PIK3R1: variants seen among roughly 807,000 people sequenced by gnomAD.
PIK3R1 encodes the protein phosphatidylinositol 3-kinase regulatory subunit alpha.
A neutral mutation model predicts 98.0 loss-of-function variants in PIK3R1; 29 were observed. The ratio of observed to expected loss-of-function variants is 0.30; its 90% CI spans 0.22 to 0.40. PIK3R1 has a LOEUF of 0.40. Among genes scored for constraint, PIK3R1 ranks in the 10% least tolerant of loss-of-function variants. The pLI, the probability that PIK3R1 is intolerant of heterozygous loss-of-function variation, is 1.00. For missense variants in PIK3R1, 596 were observed against 872.7 expected, an observed-to-expected ratio of 0.68 and a Z score of 3.99; for synonymous variants, 282 against 311.8, an observed-to-expected ratio of 0.90 and a Z score of 1.01.
chr5:68,238,757 A>G (rs10055629), intron 2 of PIK3R1, among the ~76,000 whole-genome samples: 1 of 152,200 alleles, frequency 6.6e-6, no homozygotes, highest in Non-Finnish European at 1.5e-5. Flanking sequence ...GTTGATAAAC[A>G]GGGAACCAAG....
At position 68,297,399 on chromosome 5, in the gene PIK3R1, C is replaced by A. The variant is rs773278172; in HGVS notation, c.1986-13C>A. 2 of 1,599,278 alleles carry A rather than the reference C, an allele frequency of 1.3e-6. No individual in the cohort carries two copies. Among genetic ancestry groups the A allele is most frequent in the South Asian group, 2.2e-5 (2 of 89,076 alleles). ...ACAAGCTCAAAAGACAGTTTTTCTTCTCTCCTCTCTAGGGTGGACGGCGAA... is the reference window on the plus strand; with the variant it reads ...ACAAGCTCAAAAGACAGTTTTTCTTATCTCCTCTCTAGGGTGGACGGCGAA... On this transcript the variant is annotated splice_polypyrimidine_tract_variant and intron_variant, in intron 15 of 15. Coordinates refer to ENST00000521381, the MANE Select transcript of PIK3R1 (RefSeq NM_181523.3).
rs1747355335 is a variant in PIK3R1 at position 68,290,926 on chromosome 5, G to GT, written c.917-1328dup. ...TGTAAAAGATCCTTTTTGGATTTCT[G>GT]TTTTTATTAATTTGTTTCATTGATA... On this transcript the variant is annotated intron_variant, in intron 7 of 15. Transcript: ENST00000521381. The GT allele has an allele frequency of 5.2e-5, 41 of 789,808 alleles. No individual in the cohort carries two copies. In the South Asian group the frequency reaches 8.8e-4, roughly 17 times the overall value. 48.9% of individuals were successfully genotyped at this position (789,808 alleles called of 1,614,324 possible). A position where few individuals can be genotyped will look rare whatever the true frequency, so the allele number is the denominator to read the frequency against.
At chr5:68,284,396 G>T (rs143225865) in intron 7 of PIK3R1, among the ~76,000 whole-genome samples, 1 of 152,202 alleles carries the variant, frequency 6.6e-6, no homozygotes, top group East Asian at 1.9e-4. Context: ...CCTGATGTGG[G>T]TACATTGCTT....
rs947125285 is a variant in PIK3R1 at position 68,277,770 on chromosome 5, G to A, written c.503-1832G>A. Among the ~76,000 whole-genome samples the A allele has an allele frequency of 5.9e-5, 9 of 152,220 alleles. 1 individual carries two copies. The highest frequency in any genetic ancestry group is 6.8e-3 in the Middle Eastern group (2 of 292). On this transcript the variant is annotated intron_variant, in intron 4 of 15. Transcript: ENST00000521381. ...CAATCACCGAGTTATATGAGGTCTC[G>A]ATAATATTTTGTACATTTCTAACTG...
rs774703959 is a variant in PIK3R1, at chr5:68,288,790, T to C, written c.917-3469T>C. On this transcript the variant is annotated intron_variant, in intron 7 of 15. Transcript: ENST00000521381. ...AATTTGTGCACTTCTCTGTTCCTTA[T>C]CTGAGCGGTGCCTTTCTGTAGTTTG... 2.5e-6 allele frequency: 4 copies of C among 1,595,426 alleles called. No homozygotes were observed. The South Asian group carries it at 3.3e-5, about 13-fold the overall frequency.
intron 2 of PIK3R1, among the ~76,000 whole-genome samples, chr5:68,264,130 G>T (rs953187669): frequency 2.0e-5 from 3 of 152,120 alleles, no homozygotes; most frequent in Non-Finnish European, 4.4e-5. Flanking sequence ...AGCTTTATGA[G>T]AAAATATTTA....
At chr5:68,222,450 G>A (rs936608510) in intron 1 of PIK3R1, among the ~76,000 whole-genome samples, 1 of 107,202 alleles carries the variant, frequency 9.3e-6, no homozygotes, top group Non-Finnish European at 1.8e-5. Flanking sequence ...AGGAGGCAGA[G>A]GTGCTAAGGA....
intron 2 of PIK3R1, among the ~76,000 whole-genome samples, chr5:68,246,717 G>C (rs943526157): frequency 6.6e-6 from 1 of 151,872 alleles, no homozygotes; most frequent in African/African-American, 2.4e-5. Flanking sequence ...TCCGCCTCCT[G>C]GGTTCACGCC....
chr5:68,293,749 A>G lies in PIK3R1; in HGVS notation c.1340A>G (p.Lys447Arg). The change falls in exon 11 of 16, where the codon AAA (lysine) becomes AGA (arginine). Residue 447 changes from lysine to arginine, a missense_variant. Around this residue, in one of 3 missense-constraint regions of PIK3R1, gnomAD observed 207 missense variants for 361.4 expected, o/e 0.57. Coordinates refer to ENST00000521381, the MANE Select transcript of PIK3R1 (RefSeq NM_181523.3). ...GAAGATAATATTGAAGCTGTAGGGA[A>G]AAAATTACATGAATATAACACTCAG... The part of the protein sequence containing the change: ...VKEDNIEAVG[K>R]KLHEYNTQFQ... 1 of 1,528,572 alleles carries G rather than the reference A, an allele frequency of 6.5e-7. No homozygotes were observed. The highest frequency in any genetic ancestry group is 1.4e-5 in the African/African-American group (1 of 72,912). The allele number at this position is 1,528,572 out of a possible 1,614,324, so 94.7% of individuals were successfully genotyped here.
intron 2 of PIK3R1, among the ~76,000 whole-genome samples, chr5:68,242,501 G>T (rs1744908000): frequency 1.3e-5 from 2 of 152,182 alleles, no homozygotes; most frequent in Non-Finnish European, 2.9e-5. Context: ...CAGAAGAGAG[G>T]CCTTCCATGG....
chr5:68,265,981 C>A (rs949536722), intron 2 of PIK3R1, among the ~76,000 whole-genome samples: 6 of 152,172 alleles, frequency 3.9e-5, no homozygotes, highest in Non-Finnish European at 4.4e-5. Flanking sequence ...AGTGCTTGTT[C>A]GGTCTGGCTG....
At chr5:68,223,611 C>T (rs533022929) in intron 1 of PIK3R1, among the ~76,000 whole-genome samples, 2 of 152,114 alleles carry the variant, frequency 1.3e-5, no homozygotes, top group Admixed American at 6.5e-5. Flanking sequence ...GTTCTTCTTA[C>T]CCACAAAGTA....
rs367780084 is a variant in PIK3R1 at position 68,301,440 on chromosome 5, GTATATATATATATA to G, written c.*3841_*3854del. ...TATATATATATATATATATGTGTGT[GTATATATATATATA>G]TGTGTATATATATATGTATATACAT... On this transcript the variant is annotated 3_prime_UTR_variant, in exon 16 of 16. Transcript: ENST00000521381. The G allele has an allele frequency of 6.1e-5, 6 of 98,930 alleles. No individual in the cohort carries two copies. Among genetic ancestry groups the G allele is most frequent in the African/African-American group, 1.4e-4 (3 of 22,010 alleles). The allele number at this position is 98,930 out of a possible 1,614,324, so 6.1% of individuals were successfully genotyped here. A position where few individuals can be genotyped will look rare whatever the true frequency, so the allele number is the denominator to read the frequency against.
intron 2 of PIK3R1, among the ~76,000 whole-genome samples, chr5:68,232,987 GAT>G (rs1262471983): frequency 6.6e-6 from 1 of 152,128 alleles, no homozygotes; most frequent in Non-Finnish European, 1.5e-5. Flanking sequence ...TGATAAATTT[GAT>G]GTCAGTCTTC....
At chr5:68,263,201 ATC>A (rs1348682495) in intron 2 of PIK3R1, among the ~76,000 whole-genome samples, 3 of 130,106 alleles carry the variant, frequency 2.3e-5, no homozygotes, top group Non-Finnish European at 1.6e-5. Context: ...CTACATATAT[ATC>A]TATATATATA....
chr5:68,294,542 C>A lies in PIK3R1; in HGVS notation c.1432C>A (p.Gln478Lys). The change falls in exon 12 of 16, where the codon CAA (glutamine) becomes AAA (lysine). Residue 478 changes from glutamine (Q) to lysine (K), a missense_variant. Coordinates refer to ENST00000521381, the MANE Select transcript of PIK3R1 (RefSeq NM_181523.3). Reference sequence around the variant, plus strand: ...TTTTAAAATTATGTTGCAGGAAATCCAAATGAAAAGGACAGCTATTGAAGC... The same window carrying A: ...TTTTAAAATTATGTTGCAGGAAATCAAAATGAAAAGGACAGCTATTGAAGC... ...EEYTRTSQEI[Q>K]MKRTAIEAFN... 1 of 1,598,500 alleles carries A rather than the reference C, an allele frequency of 6.3e-7. No individual in the cohort carries two copies. Among genetic ancestry groups the A allele is most frequent in the Non-Finnish European group, 8.5e-7 (1 of 1,173,484 alleles).
At chr5:68,248,665 G>A (rs1745192240) in intron 2 of PIK3R1, among the ~76,000 whole-genome samples, 1 of 151,982 alleles carries the variant, frequency 6.6e-6, no homozygotes, top group South Asian at 2.1e-4. Flanking sequence ...AATTGTTTTG[G>A]CAAAATTATT....
intron 3 of PIK3R1, 69 bp from the exon 4 acceptor site, chr5:68,273,870 A>G (rs987319893): frequency 8.5e-7 from 1 of 1,177,566 alleles, no homozygotes. Flanking sequence ...TGTCTCTGGC[A>G]GCAGCCTCAC....
chr5:68,218,711 T>C (rs1316436175), intron 1 of PIK3R1, among the ~76,000 whole-genome samples: 1 of 152,216 alleles, frequency 6.6e-6, no homozygotes, highest in African/African-American at 2.4e-5. Context: ...AAAGATATTG[T>C]ATGTTTCATA....
Sources: gnomAD v4.1 joint callset for allele counts (sites outside exome capture counted in the v4.1 genomes callset) on GRCh38, gnomAD v4.1.1 for gene constraint, gnomAD v4.1.1 regional missense constraint, MANE v1.5 for transcripts, NCBI Gene and HGNC (gene_info 2026-07-23, HGNC 2026-07-21) for gene names.